The following EFNA5 variants were observed in gnomAD, a reference collection of about 807,000 sequenced individuals.
The protein encoded by EFNA5 is ephrin A5, also known as ephrin-A5.
EFNA5 carries 5 observed loss-of-function variants against 22.9 expected under a neutral mutation model. The observed-to-expected ratio is 0.22, with a 90% CI of 0.11 to 0.46. EFNA5 has a LOEUF of 0.46. EFNA5 is among the 20% of genes least tolerant of loss of function. The pLI is 0.99. For synonymous variants in EFNA5, 113 were observed against 112.2 expected (o/e 1.01, Z -0.04); for missense variants, 237 against 293.3 (o/e 0.81, Z 1.40).
At chr5:107,646,007 A>G (rs1243290480) in intron 1 of EFNA5, among the ~76,000 whole-genome samples, 2 of 152,218 alleles carry the variant, frequency 1.3e-5, no homozygotes, top group East Asian at 3.9e-4. Context: ...TCTGCTGTGA[A>G]GAATAATCAT....
At chr5:107,415,997 C>G (rs1239082484) in intron 2 of EFNA5, among the ~76,000 whole-genome samples, 6 of 152,132 alleles carry the variant, frequency 3.9e-5, no homozygotes, top group Admixed American at 3.9e-4. Flanking sequence ...TGAAATTTAA[C>G]CTCTGAAAAA....
At position 107,399,334 on chromosome 5, in the gene EFNA5, G is replaced by A. The variant is rs1462612364; in HGVS notation, c.419-11563C>T. Among the ~76,000 whole-genome samples the A allele has an allele frequency of 2.1e-3, 301 of 143,652 alleles. 2 individuals carry two copies. The highest frequency in any genetic ancestry group is 7.4e-3 in the African/African-American group (282 of 38,178). The allele number at this position is 143,652 out of a possible 152,430, so 94.2% of individuals were successfully genotyped here. Reference sequence around the variant, plus strand: ...GGAAGGAAACGGAAAGGAAAGGAAAGGAAAGGAAAGGAAAGGAAAGGAAAG... The same window carrying A: ...GGAAGGAAACGGAAAGGAAAGGAAAAGAAAGGAAAGGAAAGGAAAGGAAAG... On this transcript the variant is annotated intron_variant, in intron 2 of 4. Transcript: ENST00000333274.
intron 1 of EFNA5, among the ~76,000 whole-genome samples, chr5:107,432,016 A>G (rs1272517901): frequency 6.6e-6 from 1 of 152,212 alleles, no homozygotes; most frequent in Non-Finnish European, 1.5e-5. Flanking sequence ...AAGCTTCACC[A>G]GCTGTAGTAA....
At chr5:107,462,367 T>G (rs564666303) in intron 1 of EFNA5, among the ~76,000 whole-genome samples, 2 of 152,310 alleles carry the variant, frequency 1.3e-5, no homozygotes, top group South Asian at 2.1e-4. Flanking sequence ...TGACTTTTAT[T>G]TGATGTCAAC....
At chr5:107,642,880 CA>C (rs1258374844) in intron 1 of EFNA5, among the ~76,000 whole-genome samples, 4 of 148,630 alleles carry the variant, frequency 2.7e-5, no homozygotes, top group Non-Finnish European at 4.4e-5. Flanking sequence ...GATGAGAAGA[CA>C]GATTTGTGTT....
At chr5:107,495,110 G>T (rs939105305) in intron 1 of EFNA5, among the ~76,000 whole-genome samples, 1 of 152,124 alleles carries the variant, frequency 6.6e-6, no homozygotes, top group African/African-American at 2.4e-5. Context: ...GTGGCAACCC[G>T]CTCAGGTCCC....
At chr5:107,591,853 T>C (rs1438084261) in intron 1 of EFNA5, among the ~76,000 whole-genome samples, 4 of 83,570 alleles carry the variant, frequency 4.8e-5, no homozygotes, top group Non-Finnish European at 8.8e-5. Context: ...AAAATATATA[T>C]AATATAAAAA....
intron 1 of EFNA5, among the ~76,000 whole-genome samples, chr5:107,646,330 T>G (rs1750633417): frequency 6.6e-6 from 1 of 152,164 alleles, no homozygotes; most frequent in South Asian, 2.1e-4. Context: ...ATGGTGTACA[T>G]GTCGTACATC....
intron 1 of EFNA5, among the ~76,000 whole-genome samples, chr5:107,535,508 A>G (rs1428202732): frequency 6.6e-6 from 1 of 152,224 alleles, no homozygotes; most frequent in Non-Finnish European, 1.5e-5. Flanking sequence ...AATAAAACTG[A>G]TAAGATTAAT....
At chr5:107,456,347 A>T (rs1034192116) in intron 1 of EFNA5, among the ~76,000 whole-genome samples, 1 of 152,182 alleles carries the variant, frequency 6.6e-6, no homozygotes, top group African/African-American at 2.4e-5. Flanking sequence ...GTAAGTAATG[A>T]TTGTTTAGGT....
intron 1 of EFNA5, among the ~76,000 whole-genome samples, chr5:107,514,063 A>G (rs762003113): frequency 1.6e-4 from 25 of 152,208 alleles, no homozygotes; most frequent in Non-Finnish European, 3.2e-4. Flanking sequence ...ATAAAGCACT[A>G]TTCCTGTTTT....
At chr5:107,670,035 A>T (rs1285124154) in intron 1 of EFNA5, among the ~76,000 whole-genome samples, 63 of 68,936 alleles carry the variant, frequency 9.1e-4, no homozygotes, top group Middle Eastern at 5.4e-3. Context: ...AAAATTAAAA[A>T]AAAAAAAAAA....
At chr5:107,553,248 C>CGAGCA (rs1461013848) in intron 1 of EFNA5, among the ~76,000 whole-genome samples, 3 of 152,198 alleles carry the variant, frequency 2.0e-5, no homozygotes, top group African/African-American at 7.2e-5. Context: ...AACAATGGGA[C>CGAGCA]GAGCACTCAC....
chr5:107,603,372 T>C (rs1046361225), intron 1 of EFNA5, among the ~76,000 whole-genome samples: 1 of 152,208 alleles, frequency 6.6e-6, no homozygotes, highest in African/African-American at 2.4e-5. Flanking sequence ...CTCACTTTCA[T>C]ATAAATTTAG....
chr5:107,551,808 A>G lies in EFNA5; in HGVS notation c.125+118681T>C, dbSNP rs189822788. Among the ~76,000 whole-genome samples, 306 of 152,268 alleles carry G rather than the reference A, an allele frequency of 2.0e-3. 2 individuals carry two copies. Among genetic ancestry groups the G allele is most frequent in the Middle Eastern group, 3.4e-3 (1 of 294 alleles). ...TGAACATTTACTGTAAAATTTCCCTACAAAATTTTAATATAAAAACATGTT... is the reference window on the plus strand; with the variant it reads ...TGAACATTTACTGTAAAATTTCCCTGCAAAATTTTAATATAAAAACATGTT... On this transcript the variant is annotated intron_variant, in intron 1 of 4. Transcript: ENST00000333274.
At chr5:107,403,042 C>T (rs191222990) in intron 2 of EFNA5, among the ~76,000 whole-genome samples, 8 of 152,262 alleles carry the variant, frequency 5.3e-5, no homozygotes, top group Admixed American at 4.6e-4. Context: ...TGCTGTGCCT[C>T]GCAGCAGGGG....
intron 1 of EFNA5, among the ~76,000 whole-genome samples, chr5:107,546,472 A>G (rs1748157484): frequency 6.6e-6 from 1 of 152,238 alleles, no homozygotes; most frequent in South Asian, 2.1e-4. Flanking sequence ...TTTGCACAGC[A>G]TATGTACTGC....
chr5:107,554,183 T>C (rs949280848), intron 1 of EFNA5, among the ~76,000 whole-genome samples: 1 of 152,200 alleles, frequency 6.6e-6, no homozygotes, highest in African/African-American at 2.4e-5. Flanking sequence ...GTTTTAAAAA[T>C]CATACTGATC....
intron 2 of EFNA5, among the ~76,000 whole-genome samples, chr5:107,401,263 T>C (rs912629108): frequency 2.0e-5 from 3 of 152,206 alleles, no homozygotes; most frequent in African/African-American, 7.2e-5. Context: ...GGAAGATTTA[T>C]TGTATTACTT....
Sources: allele counts gnomAD v4.1 joint callset (sites outside exome capture counted in the v4.1 genomes callset), GRCh38; gene constraint gnomAD v4.1.1; transcripts MANE v1.5; gene names NCBI Gene and HGNC (gene_info 2026-07-23, HGNC 2026-07-21).